PCDH15: variants seen among roughly 807,000 people sequenced by gnomAD.
The protein encoded by PCDH15 is protocadherin related 15, also known as protocadherin-15.
In PCDH15, 129 loss-of-function variants were observed where a neutral mutation model predicts 178.5. The observed-to-expected ratio is 0.72, with a 90% CI of 0.63 to 0.84. The LOEUF is 0.84. PCDH15 is among the 40% of genes least tolerant of loss of function. PCDH15 has a pLI of 0.00. For missense variants in PCDH15, 2,230 were observed against 2,099.9 expected, an observed-to-expected ratio of 1.06 and a Z score of -1.21; for synonymous variants, 800 against 732.0, an observed-to-expected ratio of 1.09 and a Z score of -1.50.
chr10:55,306,697 G>A (rs1843434402), intron 1 of PCDH15, among the ~76,000 whole-genome samples: 1 of 152,218 alleles, frequency 6.6e-6, no homozygotes, highest in South Asian at 2.1e-4. Context: ...AATAAGAGAT[G>A]CTTATTGATT....
chr10:55,334,242 A>ATG (rs1208145029), intron 2 of PCDH15, among the ~76,000 whole-genome samples: 4,895 of 71,984 alleles, frequency 0.068, 330 homozygotes, highest in East Asian at 0.23. Flanking sequence ...ATATATATAT[A>ATG]TGTGTGTGTG....
chr10:55,436,251 G>T (rs1052668853), intron 2 of PCDH15, among the ~76,000 whole-genome samples: 1 of 152,006 alleles, frequency 6.6e-6, no homozygotes, highest in Admixed American at 6.6e-5. Context: ...CCTTAAGATT[G>T]CTTTAGTGAA....
intron 2 of PCDH15, among the ~76,000 whole-genome samples, chr10:54,920,759 T>C (rs931864751): frequency 2.6e-5 from 4 of 152,192 alleles, no homozygotes; most frequent in Admixed American, 1.3e-4. Context: ...ACAGTGTTTC[T>C]ATCATCTTTT....
intron 20 of PCDH15, among the ~76,000 whole-genome samples, chr10:54,003,357 C>A (rs890114123): frequency 6.6e-6 from 1 of 151,442 alleles, no homozygotes; most frequent in African/African-American, 2.4e-5. Context: ...ATTGACAAAC[C>A]TTTAGCCAGA....
chr10:55,183,560 T>C (rs1324226001), intron 1 of PCDH15, among the ~76,000 whole-genome samples: 4 of 151,862 alleles, frequency 2.6e-5, no homozygotes, highest in East Asian at 3.9e-4. Flanking sequence ...TGTGAGACCC[T>C]GTCTCAAAAT....
intron 20 of PCDH15, among the ~76,000 whole-genome samples, chr10:54,015,146 G>A (rs1203939959): frequency 6.6e-6 from 1 of 151,946 alleles, no homozygotes; most frequent in Non-Finnish European, 1.5e-5. Context: ...AATCAAGAAT[G>A]CAATCCCATT....
At chr10:55,534,858 A>G (rs1422946979) in intron 2 of PCDH15, among the ~76,000 whole-genome samples, 1 of 152,126 alleles carries the variant, frequency 6.6e-6, no homozygotes, top group Non-Finnish European at 1.5e-5. Flanking sequence ...TGTGTTACAT[A>G]TGCACCATGG....
At chr10:55,151,593 G>A (rs1210823930) in intron 2 of PCDH15, among the ~76,000 whole-genome samples, 1 of 151,964 alleles carries the variant, frequency 6.6e-6, no homozygotes, top group Non-Finnish European at 1.5e-5. Context: ...ATACTTCACT[G>A]TCTTAAATTT....
At chr10:55,216,580 G>A (rs1840708887) in intron 1 of PCDH15, among the ~76,000 whole-genome samples, 1 of 151,732 alleles carries the variant, frequency 6.6e-6, no homozygotes, top group Admixed American at 6.6e-5. Flanking sequence ...AAAATAGCTA[G>A]AAGACAGGTT....
chr10:54,708,093 C>G lies in PCDH15; in HGVS notation c.-28-43803G>C, dbSNP rs2095385361. 2.0e-5 allele frequency among the ~76,000 whole-genome samples: 3 copies of G among 152,116 alleles called. No individual in the cohort carries two copies. In the South Asian group the frequency reaches 6.2e-4, roughly 32 times the overall value. ...ATGCATATGTTGTAGGAACTATATT[C>G]TATATAATTGTAACATAAACATCAA... On this transcript the variant is annotated intron_variant, in intron 1 of 37. Coordinates refer to ENST00000644397, the MANE Select transcript of PCDH15 (RefSeq NM_001384140.1).
At chr10:55,212,821 G>A (rs1206340434) in intron 1 of PCDH15, among the ~76,000 whole-genome samples, 1 of 152,130 alleles carries the variant, frequency 6.6e-6, no homozygotes, top group Non-Finnish European at 1.5e-5. Context: ...CTGAATGTCA[G>A]CATTGGCTAT....
Position 54,432,954 on chromosome 10 carries a change from C to T in PCDH15, c.158-54012G>A, listed in dbSNP as rs182764863. On this transcript the variant is annotated intron_variant, in intron 3 of 37. Transcript: ENST00000644397. ...CAAAAGAAGACATACAAATAGCAAA[C>T]GGGAACATGAGGAGGTGCTAAACAT... Among the ~76,000 whole-genome samples, 234 of 151,884 alleles carry T rather than the reference C, an allele frequency of 1.5e-3. 1 individual carries two copies. Among genetic ancestry groups the T allele is most frequent in the Admixed American group, 1.2e-3 (18 of 15,246 alleles).
chr10:55,492,119 T>C (rs1278316808), intron 2 of PCDH15, among the ~76,000 whole-genome samples: 3 of 151,746 alleles, frequency 2.0e-5, no homozygotes, highest in African/African-American at 7.3e-5. Flanking sequence ...GCAGTAATTA[T>C]TGGCTGCCTT....
At chr10:55,234,890 C>A (rs1841332429) in intron 1 of PCDH15, among the ~76,000 whole-genome samples, 1 of 149,282 alleles carries the variant, frequency 6.7e-6, no homozygotes, top group Non-Finnish European at 1.5e-5. Context: ...ATTATCACAG[C>A]TGATCAAAGT....
chr10:54,926,715 T>C lies in PCDH15; in HGVS notation c.-79-29215A>G, dbSNP rs187701249. Reference sequence around the variant, plus strand: ...TGTGTTCAAAAATCTATCCATTCCTTCTAGATTTTCTAGTTTATGTGCACA... The same window carrying C: ...TGTGTTCAAAAATCTATCCATTCCTCCTAGATTTTCTAGTTTATGTGCACA... On this transcript the variant is annotated intron_variant, in intron 2 of 5. Coordinates refer to the PCDH15 transcript ENST00000458638. Among the ~76,000 whole-genome samples the C allele has an allele frequency of 2.4e-4, 36 of 152,198 alleles. No homozygotes were observed. The East Asian group carries it at 5.6e-3, about 24-fold the overall frequency.
intron 2 of PCDH15, among the ~76,000 whole-genome samples, chr10:55,325,979 T>A (rs1168135464): frequency 2.6e-5 from 4 of 151,848 alleles, no homozygotes; most frequent in African/African-American, 7.3e-5. Flanking sequence ...TACAAGTATA[T>A]GAAAAAAAAT....
At chr10:54,442,381 C>CT (rs1164525697) in intron 3 of PCDH15, among the ~76,000 whole-genome samples, 77 of 21,550 alleles carry the variant, frequency 3.6e-3, no homozygotes, top group African/African-American at 0.011. Context: ...GGACAGTCTC[C>CT]TTTTTTTTTA....
At chr10:55,069,842 G>T (rs1013643660) in intron 2 of PCDH15, among the ~76,000 whole-genome samples, 1 of 151,580 alleles carries the variant, frequency 6.6e-6, no homozygotes, top group African/African-American at 2.4e-5. Flanking sequence ...AGATCCCTGA[G>T]GAACCGCCAC....
At position 55,519,418 on chromosome 10, in the gene PCDH15, G is replaced by A. The variant is rs187711446; in HGVS notation, c.-156+108207C>T. Among the ~76,000 whole-genome samples, 15 of 152,044 alleles carry A rather than the reference G, an allele frequency of 9.9e-5. No individual in the cohort carries two copies. The East Asian group carries it at 2.5e-3, about 26-fold the overall frequency. On this transcript the variant is annotated intron_variant, in intron 2 of 5. Coordinates refer to the PCDH15 transcript ENST00000613346. ...GGTTAAAGTCAAGGTGTGTGGGGAC[G>A]GGTGGAACGGAAGTAAGTGTGGTTA...
Sources: gnomAD v4.1 joint callset for allele counts (sites outside exome capture counted in the v4.1 genomes callset) on GRCh38, gnomAD v4.1.1 for gene constraint, MANE v1.5 for transcripts, NCBI Gene and HGNC (gene_info 2026-07-23, HGNC 2026-07-21) for gene names.